Variants in CHP1 observed in about 807,000 individuals in gnomAD.
CHP1 encodes calcineurin like EF-hand protein 1, also known as calcineurin B homologous protein 1.
A neutral mutation model predicts 27.4 loss-of-function variants in CHP1; 11 were observed. That is an observed-to-expected ratio of 0.40 (90% CI 0.25 to 0.67). The LOEUF is 0.67. CHP1 is among the 30% of genes least tolerant of loss of function. CHP1 has a pLI of 0.38. For synonymous variants in CHP1, 89 were observed against 87.4 expected (o/e 1.02, Z -0.10); for missense variants, 169 against 251.3 (o/e 0.67, Z 2.22).
chr15:41,272,814 C>T (rs563541247), intron 5 of CHP1, among the ~76,000 whole-genome samples: 147 of 152,130 alleles, frequency 9.7e-4, no homozygotes, highest in African/African-American at 3.2e-3. Context: ...TTTTGGAGGC[C>T]GAGGCAGGTG....
At chr15:41,233,596 C>T (rs552103573) in intron 1 of CHP1, among the ~76,000 whole-genome samples, 9 of 152,196 alleles carry the variant, frequency 5.9e-5, no homozygotes, top group Non-Finnish European at 1.3e-4. Flanking sequence ...AGTGTCTGTT[C>T]AGTACTGTGC....
intron 2 of CHP1, 88 bp downstream of exon 2, chr15:41,243,827 A>G (rs1262673191): frequency 9.5e-6 from 10 of 1,052,058 alleles, no homozygotes; most frequent in Admixed American, 6.7e-5. Context: ...TAGGGTAGAC[A>G]TGATAGACAT....
At chr15:41,275,479 G>A (rs1267637187) in intron 5 of CHP1, among the ~76,000 whole-genome samples, 2 of 152,072 alleles carry the variant, frequency 1.3e-5, no homozygotes, top group African/African-American at 2.4e-5. Context: ...TCAAGAATTG[G>A]TTTATTTAAA....
chr15:41,271,254 CAAAAA>C (rs143070752), intron 5 of CHP1, among the ~76,000 whole-genome samples: 8,530 of 75,632 alleles, frequency 0.11, 382 homozygotes, highest in East Asian at 0.29. Context: ...GATTCCGTCT[CAAAAA>C]AAAAAAAAAA....
chr15:41,271,753 C>T (rs1438378380), intron 5 of CHP1, among the ~76,000 whole-genome samples: 1 of 152,168 alleles, frequency 6.6e-6, no homozygotes, highest in African/African-American at 2.4e-5. Flanking sequence ...AGCAACCCAA[C>T]GTATTCTTAC....
At chr15:41,263,266 T>C (rs2047442597) in intron 4 of CHP1, among the ~76,000 whole-genome samples, 1 of 152,240 alleles carries the variant, frequency 6.6e-6, no homozygotes, top group Non-Finnish European at 1.5e-5. Context: ...TGCCAGGCAC[T>C]GTGTTAAGTG....
chr15:41,256,289 T>G (rs985145642), intron 2 of CHP1, among the ~76,000 whole-genome samples: 2 of 152,186 alleles, frequency 1.3e-5, no homozygotes, highest in African/African-American at 4.8e-5. Flanking sequence ...TGGTATAACC[T>G]CGCCTAAGTC....
At position 41,243,664 on chromosome 15, in the gene CHP1, T is replaced by C. The variant is rs77857971; in HGVS notation, c.68-3T>C. 1.2e-6 allele frequency: 2 copies of C among 1,613,878 alleles called. No homozygotes were observed. The highest frequency in any genetic ancestry group is 2.2e-5 in the East Asian group (1 of 44,888). On this transcript the variant is annotated splice_region_variant and splice_polypyrimidine_tract_variant and intron_variant, in intron 1 of 6. Coordinates refer to ENST00000334660, the MANE Select transcript of CHP1 (RefSeq NM_007236.5). ...GAGCTGGGACTAATTTTGTGCTCTT[T>C]AGTTTCCCACAGTCAAATCACTCGC... is the stretch of plus-strand genomic sequence containing the variant.
At chr15:41,270,534 A>C (rs752535774) in intron 4 of CHP1, 23 bp from the exon 5 acceptor site, 3 of 1,600,504 alleles carry the variant, frequency 1.9e-6, no homozygotes, top group Non-Finnish European at 2.6e-6. Flanking sequence ...AATTTTGACT[A>C]ACTTTGTGTT....
intron 4 of CHP1, among the ~76,000 whole-genome samples, chr15:41,267,756 G>A (rs1472659372): frequency 6.7e-6 from 1 of 149,206 alleles, no homozygotes; most frequent in African/African-American, 2.5e-5. Flanking sequence ...CAGAACCTGG[G>A]CAACAGTATC....
rs531226207 is a variant in CHP1 at position 41,274,229 on chromosome 15, G to A, written c.411+3611G>A. ...CCACCTTGGCCTCCCAAAGTGCTGG[G>A]ATTACAGGCATGAGCCACCGCACCT... On this transcript the variant is annotated intron_variant, in intron 5 of 6. Transcript: ENST00000334660. 2.6e-4 allele frequency among the ~76,000 whole-genome samples: 40 copies of A among 152,200 alleles called. 1 individual carries two copies. In the South Asian group the frequency reaches 8.3e-3, roughly 32 times the overall value.
intron 4 of CHP1, among the ~76,000 whole-genome samples, chr15:41,265,636 G>A (rs1045787891): frequency 2.0e-5 from 3 of 151,664 alleles, no homozygotes; most frequent in Non-Finnish European, 4.4e-5. Flanking sequence ...CTTTGAACCT[G>A]GGGGGCAGAG....
intron 4 of CHP1, among the ~76,000 whole-genome samples, chr15:41,265,198 C>A (rs1824879700): frequency 1.3e-5 from 2 of 150,292 alleles, no homozygotes; most frequent in Non-Finnish European, 3.0e-5. Flanking sequence ...CCCATTTCTA[C>A]AAAAATACAA....
Position 41,273,334 on chromosome 15 carries a change from A to G in CHP1, c.411+2716A>G, listed in dbSNP as rs527323390. Among the ~76,000 whole-genome samples, 374 of 152,336 alleles carry G rather than the reference A, an allele frequency of 2.5e-3. 2 individuals carry two copies. The highest frequency in any genetic ancestry group is 3.4e-3 in the Non-Finnish European group (233 of 68,026). ...AAACTGAGTGGTCTTTTCCATAGAA[A>G]AATGTAATTGATAAAATTCACCATC... On this transcript the variant is annotated intron_variant, in intron 5 of 6. Coordinates refer to ENST00000334660, the MANE Select transcript of CHP1 (RefSeq NM_007236.5).
At chr15:41,257,082 T>G in intron 3 of CHP1, 92 bp downstream of exon 3, 1 of 955,592 alleles carries the variant, frequency 1.0e-6, no homozygotes, top group Admixed American at 2.2e-5. Flanking sequence ...TTGTGCCATC[T>G]CAGACTGTGA....
At position 41,258,144 on chromosome 15, in the gene CHP1, A is replaced by G. The variant is rs187778556; in HGVS notation, c.221+1154A>G. 2.6e-4 allele frequency among the ~76,000 whole-genome samples: 39 copies of G among 152,300 alleles called. No homozygotes were observed. The East Asian group carries it at 6.2e-3, about 24-fold the overall frequency. On this transcript the variant is annotated intron_variant, in intron 3 of 6. Transcript: ENST00000334660. ...TACATACATACACATACATACATGT[A>G]TGTATATACACATACTTATGTAATT...
chr15:41,249,913 C>T (rs1234336253), intron 2 of CHP1, among the ~76,000 whole-genome samples: 1 of 150,222 alleles, frequency 6.7e-6, no homozygotes, highest in African/African-American at 2.5e-5. Flanking sequence ...TGAGAGGCTA[C>T]AGTGTACAGT....
At chr15:41,273,495 A>T (rs916515262) in intron 5 of CHP1, among the ~76,000 whole-genome samples, 1 of 151,846 alleles carries the variant, frequency 6.6e-6, no homozygotes, top group African/African-American at 2.4e-5. Context: ...GATTCTCCTG[A>T]CTCAGCCTCC....
intron 1 of CHP1, among the ~76,000 whole-genome samples, chr15:41,241,143 G>A (rs1366203505): frequency 3.9e-5 from 6 of 152,158 alleles, no homozygotes; most frequent in Non-Finnish European, 8.8e-5. Flanking sequence ...GAGCCACTGC[G>A]CCCAGCCTGA....
Sources: allele counts gnomAD v4.1 joint callset (sites outside exome capture counted in the v4.1 genomes callset), GRCh38; gene constraint gnomAD v4.1.1; transcripts MANE v1.5; gene names NCBI Gene and HGNC (gene_info 2026-07-23, HGNC 2026-07-21).